Variants in AMZ1 observed in about 807,000 individuals in gnomAD.
AMZ1 encodes the protein archaemetzincin-1.
A neutral mutation model predicts 29.9 loss-of-function variants in AMZ1; 39 were observed. The ratio of observed to expected loss-of-function variants is 1.30; its 90% CI spans 1.01 to 1.70. AMZ1 has a LOEUF of 1.70. Ranked by LOEUF, AMZ1 falls within the 40% of genes most tolerant of loss-of-function variation. AMZ1 has a pLI of 0.00. For synonymous variants in AMZ1, 458 were observed against 304.0 expected (o/e 1.51, Z -5.27); for missense variants, 1,041 against 680.6 (o/e 1.53, Z -5.89).
At chr7:2,764,052 C>G (rs1406291460), upstream of AMZ1, among the ~76,000 whole-genome samples, 5 of 151,978 alleles carry the variant, frequency 3.3e-5, no homozygotes, top group Non-Finnish European at 7.4e-5. Context: ...TGCTGGTGTC[C>G]TCTGATTGGT....
intron 2 of AMZ1, 168 bp from the exon 3 acceptor site, chr7:2,702,554 A>G: frequency 1.4e-6 from 1 of 731,134 alleles, no homozygotes; most frequent in Non-Finnish European, 2.2e-6. Context: ...CCTTTTGAAA[A>G]AGTCATGCTT....
At chr7:2,761,083 T>C (rs1338159591), upstream of AMZ1, among the ~76,000 whole-genome samples, 1 of 152,202 alleles carries the variant, frequency 6.6e-6, no homozygotes, top group African/African-American at 2.4e-5. Context: ...ACGCATCTCA[T>C]AGAAAGCATT....
chr7:2,748,382 CA>C (rs1790869759), intron 4 of AMZ1, among the ~76,000 whole-genome samples: 1 of 152,224 alleles, frequency 6.6e-6, no homozygotes, highest in South Asian at 2.1e-4. Context: ...TGATCTTTGA[CA>C]AACCTGACAG....
intron 6 of AMZ1, among the ~76,000 whole-genome samples, chr7:2,710,186 C>G (rs1366695862): frequency 8.8e-5 from 13 of 147,290 alleles, no homozygotes; most frequent in Non-Finnish European, 4.4e-5. Context: ...TGGGTCACTG[C>G]TGCTCAGAGG....
rs141784313 is a variant in AMZ1 at position 2,731,369 on chromosome 7, C to T, written n.550+21553C>T. On this transcript the variant is annotated intron_variant and non_coding_transcript_variant, in intron 4 of 4. Coordinates refer to the AMZ1 transcript ENST00000489665. The surrounding 1 kb of genome is among the most constrained non-coding windows in gnomAD (Gnocchi z 6.0). Reference sequence around the variant, plus strand: ...TGGACGTCCTCCAGCCTGTGCGGGTCGCCCCTGAAGTCCGGGAAGTGCTTC... The same window carrying T: ...TGGACGTCCTCCAGCCTGTGCGGGTTGCCCCTGAAGTCCGGGAAGTGCTTC... 1.4e-4 allele frequency: 232 copies of T among 1,613,648 alleles called. No homozygotes were observed. The African/African-American group carries it at 1.9e-3, about 13-fold the overall frequency.
intron 3 of AMZ1, among the ~76,000 whole-genome samples, chr7:2,707,717 G>A (rs1788443544): frequency 6.6e-6 from 1 of 151,986 alleles, no homozygotes; most frequent in African/African-American, 2.4e-5. Context: ...AGCTTCTAGA[G>A]GCACCCGTAT....
chr7:2,712,333 C>A lies in AMZ1; in HGVS notation c.952C>A (p.Leu318Ile). 1 of 1,581,802 alleles carries A rather than the reference C, an allele frequency of 6.3e-7. No homozygotes were observed. Among genetic ancestry groups the A allele is most frequent in the Non-Finnish European group, 8.6e-7 (1 of 1,163,394 alleles). ...GFRLIERYQR[L>I]YTWTQAVVGT... ...AGCCTGTGTTTCTCCCTCTTAGAGA[C>A]TCTACACCTGGACTCAGGCGGTGGT... The change falls in exon 7 of 7, where the codon CTC becomes ATC. Residue 318 changes from leucine (L) to isoleucine (I), a missense_variant. By Grantham distance (5) the Leu-to-Ile change is conservative. Coordinates refer to ENST00000683327, the MANE Select transcript of AMZ1 (RefSeq NM_001384743.1).
intron 1 of AMZ1, among the ~76,000 whole-genome samples, chr7:2,690,652 G>A (rs532770641): frequency 8.2e-4 from 125 of 152,238 alleles, no homozygotes; most frequent in African/African-American, 2.9e-3. Context: ...CTGCTTGCGG[G>A]TGTGCAAACG....
chr7:2,736,739 C>T (rs76531090), intron 4 of AMZ1, among the ~76,000 whole-genome samples: 1 of 152,250 alleles, frequency 6.6e-6, no homozygotes, highest in Non-Finnish European at 1.5e-5. Flanking sequence ...GAGAAAGACA[C>T]ACGCTCGGCT....
chr7:2,746,028 G>A (rs574396198), intron 4 of AMZ1, among the ~76,000 whole-genome samples: 1 of 152,060 alleles, frequency 6.6e-6, no homozygotes, highest in Non-Finnish European at 1.5e-5. Flanking sequence ...AGCAAGTCCT[G>A]AGTGACCTAC....
chr7:2,732,764 C>G (rs892631841), intron 4 of AMZ1, among the ~76,000 whole-genome samples: 1 of 152,024 alleles, frequency 6.6e-6, no homozygotes, highest in Non-Finnish European at 1.5e-5. Flanking sequence ...GGTAAGAAAC[C>G]CTACAGGATA....
At chr7:2,699,631 G>T (rs765245629) in intron 1 of AMZ1, among the ~76,000 whole-genome samples, 1 of 152,186 alleles carries the variant, frequency 6.6e-6, no homozygotes, top group Non-Finnish European at 1.5e-5. Context: ...TGGGTGTTGG[G>T]GGGTCCCTAG....
intron 1 of AMZ1, among the ~76,000 whole-genome samples, 153 bp downstream of exon 1, chr7:2,688,449 C>T (rs962819485): frequency 6.6e-6 from 1 of 151,978 alleles, no homozygotes; most frequent in African/African-American, 2.4e-5. Context: ...CGCGCGGGGA[C>T]CGCGGAGACG....
chr7:2,691,198 G>A (rs1787368026), intron 1 of AMZ1, among the ~76,000 whole-genome samples: 1 of 147,244 alleles, frequency 6.8e-6, no homozygotes, highest in Non-Finnish European at 1.5e-5. Flanking sequence ...GGGTTTGCTG[G>A]CAGGGAAGCC....
At chr7:2,728,950 GCTTT>G (rs1282317424) in intron 4 of AMZ1, 2 of 152,384 alleles carry the variant, frequency 1.3e-5, no homozygotes, top group Non-Finnish European at 2.9e-5. Flanking sequence ...ATCCCCCTGC[GCTTT>G]CTATCGAGTT....
rs1348473172 is a variant in AMZ1, at chr7:2,718,786, G to A, written c.*5908G>A. Among the ~76,000 whole-genome samples the A allele has an allele frequency of 3.3e-5, 5 of 152,182 alleles. No individual in the cohort carries two copies. Among genetic ancestry groups the A allele is most frequent in the African/African-American group, 1.2e-4 (5 of 41,458 alleles). On this transcript the variant is annotated 3_prime_UTR_variant, in exon 7 of 7. Coordinates refer to ENST00000683327, the MANE Select transcript of AMZ1 (RefSeq NM_001384743.1). ...GCAGGCCAGGGCCGAGCTGCGTCCG[G>A]CTCTCAGGGACTTCCTCTCCCTGTG...
intron 3 of AMZ1, among the ~76,000 whole-genome samples, chr7:2,706,253 G>A (rs1031093563): frequency 6.6e-6 from 1 of 152,164 alleles, no homozygotes; most frequent in African/African-American, 2.4e-5. Context: ...ATAGCTCCCT[G>A]CAGCCTTGAA....
chr7:2,695,017 A>T (rs1200441049), intron 1 of AMZ1, among the ~76,000 whole-genome samples: 1 of 152,100 alleles, frequency 6.6e-6, no homozygotes, highest in Non-Finnish European at 1.5e-5. Flanking sequence ...CCGTGCGTTC[A>T]CCTGCCCTGG....
intron 1 of AMZ1, among the ~76,000 whole-genome samples, chr7:2,682,257 C>T (rs555008283): frequency 3.2e-4 from 48 of 150,208 alleles, no homozygotes; most frequent in Non-Finnish European, 6.2e-4. Context: ...TCCCCTCAGG[C>T]CTGAGAGGGT....
Sources: gnomAD v4.1 joint callset for allele counts (sites outside exome capture counted in the v4.1 genomes callset) on GRCh38, gnomAD v4.1.1 for gene constraint, Gnocchi (gnomAD v3.1) non-coding constraint, MANE v1.5 for transcripts, NCBI Gene and HGNC (gene_info 2026-07-23, HGNC 2026-07-21) for gene names.